Variants in PTPN21 observed in about 807,000 individuals in gnomAD.
PTPN21 encodes protein tyrosine phosphatase non-receptor type 21, also known as tyrosine-protein phosphatase non-receptor type 21.
PTPN21 carries 77 observed loss-of-function variants against 131.8 expected under a neutral mutation model. That is an observed-to-expected ratio of 0.58 (90% CI 0.49 to 0.71). The LOEUF (loss-of-function observed/expected upper bound fraction) is 0.71, where lower values mean the gene tolerates loss of function less well. PTPN21 is among the 30% of genes least tolerant of loss of function. The pLI, the probability that PTPN21 is intolerant of heterozygous loss-of-function variation, is 0.00. For synonymous variants in PTPN21, 715 were observed against 621.3 expected, an observed-to-expected ratio of 1.15 and a Z score of -2.24; for missense variants, 1,552 against 1,527.1, an observed-to-expected ratio of 1.02 and a Z score of -0.27.
chr14:88,529,213 T>G (rs1455278096), intron 2 of PTPN21, among the ~76,000 whole-genome samples: 2 of 152,228 alleles, frequency 1.3e-5, no homozygotes, highest in Non-Finnish European at 2.9e-5. Context: ...TTAAATGCCT[T>G]TTCTGCATCT....
rs138228087 is a variant in PTPN21 at position 88,468,235 on chromosome 14, G to A, written c.3427C>T (p.Leu1143=). 1 of 1,610,212 alleles carries A rather than the reference G, an allele frequency of 6.2e-7. No homozygotes were observed. Among genetic ancestry groups the A allele is most frequent in the Non-Finnish European group, 8.5e-7 (1 of 1,177,446 alleles). ...VLDIPRVLDM[L]RQQRMMLVQT... ...ACCAGCATCATTCTCTGTTGCCTCAGCATGTCCAGCACTCTCGGGATGTCC... is the reference window on the plus strand; with the variant it reads ...ACCAGCATCATTCTCTGTTGCCTCAACATGTCCAGCACTCTCGGGATGTCC... Residue 1143 remains leucine (L), a synonymous_variant, in exon 19 of 19, where the codon CTG becomes TTG. Coordinates refer to ENST00000556564, the MANE Select transcript of PTPN21 (RefSeq NM_007039.4).
At chr14:88,473,990 G>T in intron 13 of PTPN21, 188 bp from the exon 14 acceptor site, 1 of 520,962 alleles carries the variant, frequency 1.9e-6, no homozygotes, top group Non-Finnish European at 3.3e-6. Flanking sequence ...TTCCTTTCAA[G>T]GCCAAAGCCC....
At chr14:88,535,851 A>G (rs564052687) in intron 2 of PTPN21, among the ~76,000 whole-genome samples, 29 of 152,210 alleles carry the variant, frequency 1.9e-4, no homozygotes, top group African/African-American at 5.3e-4. Context: ...TCCCAGAAGC[A>G]CACATCCTCT....
At chr14:88,473,920 A>T in intron 13 of PTPN21, 118 bp from the exon 14 acceptor site, 2 of 848,546 alleles carry the variant, frequency 2.4e-6, no homozygotes, top group Non-Finnish European at 3.6e-6. Context: ...TTGCCAATAA[A>T]CCCAGAAAGA....
chr14:88,492,497 C>T (rs1308721622), intron 10 of PTPN21, among the ~76,000 whole-genome samples: 2 of 152,208 alleles, frequency 1.3e-5, no homozygotes, highest in African/African-American at 4.8e-5. Flanking sequence ...CATCACCAGA[C>T]CAGCGATGGG....
chr14:88,535,895 G>A (rs138339048), intron 2 of PTPN21, among the ~76,000 whole-genome samples: 1,551 of 152,296 alleles, frequency 0.01, 14 homozygotes, highest in Non-Finnish European at 0.014. Flanking sequence ...GACTATGCAC[G>A]TCCTGTTAAT....
At chr14:88,529,962 CAG>C (rs1435939095) in intron 2 of PTPN21, among the ~76,000 whole-genome samples, 3 of 149,770 alleles carry the variant, frequency 2.0e-5, no homozygotes, top group Admixed American at 6.7e-5. Flanking sequence ...GTCTGGGCGA[CAG>C]AGTCAGACAC....
intron 2 of PTPN21, among the ~76,000 whole-genome samples, chr14:88,530,241 A>C (rs113399110): frequency 8.7e-5 from 12 of 137,464 alleles, no homozygotes; most frequent in African/African-American, 2.2e-4. Flanking sequence ...ACAATTTGCC[A>C]CTACCAAGCC....
rs2078070765 is a variant in PTPN21 at position 88,505,345 on chromosome 14, C to T, written c.475G>A (p.Glu159Lys). The T allele has an allele frequency of 6.2e-7, 1 of 1,609,054 alleles. No individual in the cohort carries two copies. The highest frequency in any genetic ancestry group is 8.5e-7 in the Non-Finnish European group (1 of 1,176,598). Residue 159 changes from glutamate (E) to lysine (K), a missense_variant, in exon 5 of 19, where the codon GAA becomes AAA. Transcript: ENST00000556564. ...AATTTCTGAAGAAAGTCCTGGGATT[C>T]ATACTGATCAAAGTCACCAAAATCC... ...QADFGDFDQY[E>K]SQDFLQKFAL...
intron 2 of PTPN21, among the ~76,000 whole-genome samples, chr14:88,527,726 C>T (rs1205519754): frequency 6.6e-6 from 1 of 152,092 alleles, no homozygotes; most frequent in Non-Finnish European, 1.5e-5. Context: ...AGACTCTTTG[C>T]CTAGGCCAAT....
At chr14:88,525,510 A>G (rs2078461715) in intron 2 of PTPN21, among the ~76,000 whole-genome samples, 1 of 152,228 alleles carries the variant, frequency 6.6e-6, no homozygotes, top group African/African-American at 2.4e-5. Context: ...CCATAATGAG[A>G]TACCACTTCA....
chr14:88,479,805 C>A lies in PTPN21; in HGVS notation c.1626G>T (p.Leu542=), dbSNP rs1242001599. The A allele has an allele frequency of 6.5e-7, 1 of 1,545,366 alleles. No individual in the cohort carries two copies. The highest frequency in any genetic ancestry group is 1.2e-5 in the South Asian group (1 of 81,298). ...PVVGAVSVPE[L]TNAQLQAQDY... ...CCTGCGCCTGCAGCTGCGCATTGGT[C>A]AGCTCCGGCACGCTGACCGCGCCCA... is the stretch of plus-strand genomic sequence containing the variant. The change falls in exon 13 of 19, where the codon CTG becomes CTT. Residue 542 remains leucine (L), a synonymous_variant. Coordinates refer to ENST00000556564, the MANE Select transcript of PTPN21 (RefSeq NM_007039.4).
Position 88,550,543 on chromosome 14 carries a change from TCACCC to T in PTPN21, c.-131_-127del. 4.2e-6 allele frequency: 4 copies of T among 942,082 alleles called. No homozygotes were observed. Among genetic ancestry groups the T allele is most frequent in the Non-Finnish European group, 6.2e-6 (4 of 646,324 alleles). The allele number at this position is 942,082 out of a possible 1,614,324, so 58.4% of individuals were successfully genotyped here. On this transcript the variant is annotated 5_prime_UTR_variant, in exon 2 of 19. An upstream open reading frame in the 5' UTR loses its in-frame stop. Transcript: ENST00000556564. ...CGAACACTGTCCGGCCTCCAGCTGC[TCACCC>T]AGCAGCCGCTGCCGCCATTAAAAAG...
Position 88,505,371 on chromosome 14 carries a change from G to A in PTPN21, c.449C>T (p.Ala150Val), listed in dbSNP as rs141615591. Reference sequence around the variant, plus strand: ...ATACTGATCAAAGTCACCAAAATCCGCTATATAGAATGACAAACATTCACG... The same window carrying A: ...ATACTGATCAAAGTCACCAAAATCCACTATATAGAATGACAAACATTCACG... ...AIQLAGLAVQ[A>V]DFGDFDQYES... Residue 150 changes from alanine to valine, a missense_variant and splice_region_variant, in exon 5 of 19, where the codon GCG becomes GTG. By Grantham distance (64) the Ala-to-Val change is moderately conservative. Coordinates refer to ENST00000556564, the MANE Select transcript of PTPN21 (RefSeq NM_007039.4). The A allele has an allele frequency of 5.4e-4, 857 of 1,593,324 alleles. No homozygotes were observed. Among genetic ancestry groups the A allele is most frequent in the Non-Finnish European group, 6.7e-4 (786 of 1,166,406 alleles).
chr14:88,532,605 C>T (rs1417150001), intron 2 of PTPN21, among the ~76,000 whole-genome samples: 3 of 152,028 alleles, frequency 2.0e-5, no homozygotes, highest in African/African-American at 7.2e-5. Context: ...TCTCCTATCT[C>T]TTTTATGGAT....
chr14:88,495,013 CAAAAAAAAA>C (rs386382090), intron 10 of PTPN21, among the ~76,000 whole-genome samples: 31 of 49,188 alleles, frequency 6.3e-4, no homozygotes, highest in African/African-American at 1.3e-3. Flanking sequence ...ACTCTGTCTC[CAAAAAAAAA>C]AAAAAAAAAA....
At chr14:88,537,498 A>G (rs538303490) in intron 2 of PTPN21, among the ~76,000 whole-genome samples, 2 of 152,162 alleles carry the variant, frequency 1.3e-5, no homozygotes, top group African/African-American at 4.8e-5. Flanking sequence ...TACCTACTAC[A>G]TGTCAATCAC....
chr14:88,542,530 C>G (rs959672185), intron 2 of PTPN21, among the ~76,000 whole-genome samples: 3 of 152,166 alleles, frequency 2.0e-5, no homozygotes, highest in African/African-American at 7.2e-5. Context: ...AGGAAAACAT[C>G]TTAGGTTATT....
Position 88,479,584 on chromosome 14 carries a change from G to A in PTPN21, c.1847C>T (p.Ser616Leu), listed in dbSNP as rs1156765221. ...FQEDSLPVAH[S>L]LQEVSEPLTA... is the part of the protein sequence containing the mutation. ...GAGGGGCTCGCTGACCTCCTGCAGC[G>A]AGTGCGCCACGGGCAGGCTGTCCTC... The change falls in exon 13 of 19, where the codon TCG becomes TTG. Residue 616 changes from serine (S) to leucine (L), a missense_variant. Physicochemically the swap from Ser to Leu is moderately radical, Grantham distance 145 (BLOSUM62 -2). Around this residue, in one of 4 missense-constraint regions of PTPN21, gnomAD observed 1,016 missense variants for 883.5 expected, o/e 1.15. Coordinates refer to ENST00000556564, the MANE Select transcript of PTPN21 (RefSeq NM_007039.4). The A allele has an allele frequency of 3.1e-6, 5 of 1,593,148 alleles. No individual in the cohort carries two copies. The South Asian group carries it at 3.3e-5, about 11-fold the overall frequency.
Sources: gnomAD v4.1 joint callset for allele counts (sites outside exome capture counted in the v4.1 genomes callset) on GRCh38, gnomAD v4.1.1 for gene constraint, gnomAD v4.1.1 regional missense constraint, MANE v1.5 for transcripts, NCBI Gene and HGNC (gene_info 2026-07-23, HGNC 2026-07-21) for gene names.